Variants in CD22 observed in about 807,000 individuals in gnomAD.
CD22 encodes B-cell receptor CD22.
CD22 carries 51 observed loss-of-function variants against 94.7 expected under a neutral mutation model. The ratio of observed to expected loss-of-function variants is 0.54; its 90% CI spans 0.43 to 0.68. The LOEUF (loss-of-function observed/expected upper bound fraction) is 0.68. CD22 is among the 30% of genes least tolerant of loss of function. The pLI, the probability that CD22 is intolerant of heterozygous loss-of-function variation, is 0.00. For synonymous variants in CD22, 424 were observed against 422.5 expected (o/e 1.00, Z -0.04); for missense variants, 931 against 1,060.4 (o/e 0.88, Z 1.69).
chr19:35,341,115 C>T lies in CD22; in HGVS notation c.1484C>T (p.Ser495Phe), dbSNP rs2145669835. The change falls in exon 7 of 14, where the codon TCC becomes TTC. Residue 495 changes from serine to phenylalanine, a missense_variant. By Grantham distance (155) the Ser-to-Phe change is radical (BLOSUM62 -2). Transcript: ENST00000085219. This position sits in a 1 kb window ranked among gnomAD's most constrained non-coding sequence, Gnocchi z 4.0. ...AACNSWCSWA[S>F]PVALNVQYAP... The stretch of plus-strand genomic sequence containing the variant: ...TGTAATAGTTGGTGCTCGTGGGCCT[C>T]CCCTGTCGCCCTGAATGTCCAGTGT... 1 of 1,614,162 alleles carries T rather than the reference C, an allele frequency of 6.2e-7. No individual in the cohort carries two copies. The highest frequency in any genetic ancestry group is 1.1e-5 in the South Asian group (1 of 91,078).
intron 3 of CD22, among the ~76,000 whole-genome samples, chr19:35,334,240 T>A (rs2267574): frequency 0.1 from 15,781 of 152,182 alleles, 1,028 homozygotes; most frequent in East Asian, 0.19. Context: ...GACCTAAGGA[T>A]CATTGTTCTT....
intron 13 of CD22, 143 bp downstream of exon 13, chr19:35,346,378 G>C (rs556495998): frequency 9.2e-7 from 1 of 1,085,548 alleles, no homozygotes; most frequent in East Asian, 2.5e-5. Flanking sequence ...CGGTTGCTCC[G>C]GCAGAGCTGG....
At chr19:35,335,628 G>A (rs1266138105) in intron 3 of CD22, among the ~76,000 whole-genome samples, 1 of 152,044 alleles carries the variant, frequency 6.6e-6, no homozygotes, top group Non-Finnish European at 1.5e-5. Context: ...CAAGGCGGGA[G>A]GATCACTTGA....
intron 2 of CD22, chr19:35,332,343 G>C: frequency 1.5e-6 from 1 of 653,952 alleles, no homozygotes; most frequent in Non-Finnish European, 2.5e-6. Flanking sequence ...TGGGTGCAGT[G>C]GCTCATGCCT....
Position 35,336,331 on chromosome 19 carries a change from G to C in CD22, c.708G>C (p.Leu236=). Residue 236 remains leucine, a synonymous_variant, in exon 4 of 14, where the codon CTG becomes CTC. Coordinates refer to ENST00000085219, the MANE Select transcript of CD22 (RefSeq NM_001771.4). ...GKFLSNDTVQ[L]NVKHTPKLEI... is the part of the protein sequence containing the mutation. ...TCCTCTCCAATGACACGGTGCAGCT[G>C]AACGTGAAGCGTGAGTCTCCCCGGC... is the stretch of plus-strand genomic sequence containing the variant. 1 of 1,613,944 alleles carries C rather than the reference G, an allele frequency of 6.2e-7. No individual in the cohort carries two copies.
chr19:35,332,405 A>G, intron 2 of CD22, 142 bp from the exon 3 acceptor site: 1 of 888,326 alleles, frequency 1.1e-6, no homozygotes, highest in Non-Finnish European at 1.6e-6. Flanking sequence ...TGAGGTCAGG[A>G]GTTCAAGGCC....
intron 3 of CD22, among the ~76,000 whole-genome samples, chr19:35,334,584 GT>G (rs1241394053): frequency 6.6e-6 from 1 of 152,160 alleles, no homozygotes. Flanking sequence ...TAAATTTGGG[GT>G]GAGCAATGCA....
At chr19:35,342,020 TCCTTC>T in intron 9 of CD22, 55 bp downstream of exon 9, 2 of 634,714 alleles carry the variant, frequency 3.2e-6, no homozygotes, top group Admixed American at 7.9e-5. Context: ...CTTCCTTCCT[TCCTTC>T]CTTCCTTCCT....
At chr19:35,339,115 G>A (rs1393532217) in intron 6 of CD22, among the ~76,000 whole-genome samples, 2 of 151,956 alleles carry the variant, frequency 1.3e-5, no homozygotes, top group African/African-American at 2.4e-5. Flanking sequence ...GCGTGCCTGT[G>A]GTCCCAGCTA....
intron 3 of CD22, among the ~76,000 whole-genome samples, chr19:35,334,132 T>C (rs2066684435): frequency 1.3e-5 from 2 of 152,278 alleles, no homozygotes; most frequent in Middle Eastern, 3.4e-3. Flanking sequence ...GGGGCTTTTA[T>C]GAGTAAAGTA....
chr19:35,338,082 G>C, intron 5 of CD22, 61 bp downstream of exon 5: 2 of 1,574,654 alleles, frequency 1.3e-6, no homozygotes, highest in South Asian at 2.4e-5. Context: ...GACCCGGAGA[G>C]GGGAGCCACG....
rs1599673228 is a variant in CD22, at chr19:35,333,156, G to A, written c.412+232G>A. 9 of 527,584 alleles carry A rather than the reference G, an allele frequency of 1.7e-5. No individual in the cohort carries two copies. In the East Asian group the frequency reaches 2.4e-4, roughly 14 times the overall value. The allele number at this position is 527,584 out of a possible 1,614,324, so 32.7% of individuals were successfully genotyped here. On this transcript the variant is annotated intron_variant, in intron 3 of 13. Coordinates refer to ENST00000085219, the MANE Select transcript of CD22 (RefSeq NM_001771.4). ...TGGGACCTGGATTCCAAAGTTATCG[G>A]ATCTCCTGATCTTTCCCTCTTTCTT...
intron 6 of CD22, among the ~76,000 whole-genome samples, chr19:35,340,573 C>G (rs116616927): frequency 0.037 from 5,604 of 152,308 alleles, 235 homozygotes; most frequent in African/African-American, 0.1. Flanking sequence ...AGCCACCATG[C>G]CCGGCCTCAG....
chr19:35,342,111 C>G, intron 9 of CD22, 146 bp downstream of exon 9: 1 of 634,800 alleles, frequency 1.6e-6, no homozygotes, highest in African/African-American at 2.0e-5. Context: ...CCTCTTCCTC[C>G]TTCTTCTTCT....
chr19:35,334,619 G>C (rs1033412987), intron 3 of CD22, among the ~76,000 whole-genome samples: 1 of 152,204 alleles, frequency 6.6e-6, no homozygotes, highest in African/African-American at 2.4e-5. Context: ...CTGTCTGAAG[G>C]AGGTGGTCCA....
Position 35,341,007 on chromosome 19 carries a change from A to G in CD22, c.1376A>G (p.His459Arg). The part of the protein sequence containing the change: ...PSVTRYEWKP[H>R]GAWEEPSLGV... ...GTTACCCGGTATGAATGGAAACCCCATGGCGCCTGGGAGGAGCCATCGCTT... is the reference window on the plus strand; with the variant it reads ...GTTACCCGGTATGAATGGAAACCCCGTGGCGCCTGGGAGGAGCCATCGCTT... Residue 459 changes from histidine (H) to arginine (R), a missense_variant, in exon 7 of 14, where the codon CAT becomes CGT. Coordinates refer to ENST00000085219, the MANE Select transcript of CD22 (RefSeq NM_001771.4). The surrounding 1 kb of genome is among the most constrained non-coding windows in gnomAD (Gnocchi z 4.0). 1 of 1,614,202 alleles carries G rather than the reference A, an allele frequency of 6.2e-7. No individual in the cohort carries two copies.
At chr19:35,336,392 T>C in intron 4 of CD22, 51 bp downstream of exon 4, 1 of 1,566,060 alleles carries the variant, frequency 6.4e-7, no homozygotes, top group Non-Finnish European at 8.7e-7. Context: ...TGTCACCTTC[T>C]CCCCAGCCCC....
Position 35,337,748 on chromosome 19 carries a change from C to T in CD22, c.719-7C>T. 1.3e-6 allele frequency: 2 copies of T among 1,588,938 alleles called. No individual in the cohort carries two copies. The highest frequency in any genetic ancestry group is 1.7e-6 in the Non-Finnish European group (2 of 1,161,834). ...CCCCCTCCCCGACTGCCCCTCTGCTCCTCCAGACACCCCGAAGTTGGAGAT... is the reference window on the plus strand; with the variant it reads ...CCCCCTCCCCGACTGCCCCTCTGCTTCTCCAGACACCCCGAAGTTGGAGAT... On this transcript the variant is annotated splice_polypyrimidine_tract_variant and splice_region_variant and intron_variant, in intron 4 of 13. Coordinates refer to ENST00000085219, the MANE Select transcript of CD22 (RefSeq NM_001771.4). This position sits in a 1 kb window ranked among gnomAD's most constrained non-coding sequence, Gnocchi z 4.4.
At chr19:35,330,444 CTGA>C (rs1474022308) in intron 1 of CD22, 2 of 152,288 alleles carry the variant, frequency 1.3e-5, no homozygotes, top group African/African-American at 2.4e-5. Context: ...ACCTGCGGGG[CTGA>C]TGTCAGCTCT....
Sources: gnomAD v4.1 joint callset for allele counts (sites outside exome capture counted in the v4.1 genomes callset) on GRCh38, gnomAD v4.1.1 for gene constraint, Gnocchi (gnomAD v3.1) non-coding constraint, MANE v1.5 for transcripts, NCBI Gene and HGNC (gene_info 2026-07-23, HGNC 2026-07-21) for gene names.